The following FIG4 variants were observed in gnomAD, a reference collection of about 807,000 sequenced individuals.
The protein encoded by FIG4 is FIG4 phosphoinositide 5-phosphatase.
Under a neutral mutation model 118.6 loss-of-function variants are expected in FIG4, and 112 were observed. The ratio of observed to expected loss-of-function variants is 0.94; its 90% CI spans 0.81 to 1.11. The LOEUF is 1.11. Ranked by LOEUF, FIG4 falls within the 50% of genes least tolerant of loss-of-function variation. FIG4 has a pLI of 0.00. For synonymous variants in FIG4, 369 were observed against 381.2 expected (o/e 0.97, Z 0.37); for missense variants, 969 against 1,111.7 (o/e 0.87, Z 1.83).
chr6:109,821,118 A>C (rs559865076), intron 22 of FIG4, among the ~76,000 whole-genome samples: 1 of 152,354 alleles, frequency 6.6e-6, no homozygotes, highest in African/African-American at 2.4e-5. Flanking sequence ...CAAACGGCCA[A>C]AGCTCCCTAC....
intron 10 of FIG4, among the ~76,000 whole-genome samples, chr6:109,751,625 T>G (rs944058009): frequency 1.3e-5 from 2 of 152,152 alleles, no homozygotes; most frequent in African/African-American, 4.8e-5. Flanking sequence ...ATTTGACCTC[T>G]TCCTGGTTTA....
intron 22 of FIG4, among the ~76,000 whole-genome samples, chr6:109,812,058 C>T (rs1778734643): frequency 6.6e-6 from 1 of 152,078 alleles, no homozygotes; most frequent in South Asian, 2.1e-4. Context: ...ATGCTGTTCT[C>T]GTGATAGTGA....
chr6:109,694,578 T>C (rs915875742), intron 1 of FIG4, among the ~76,000 whole-genome samples: 4 of 151,984 alleles, frequency 2.6e-5, no homozygotes, highest in African/African-American at 7.3e-5. Context: ...AACCCAAAAA[T>C]AGACAAATGG....
chr6:109,792,612 G>A lies in FIG4; in HGVS notation c.2407G>A (p.Gly803Arg). The change falls in exon 21 of 23, where the codon GGA becomes AGA. Residue 803 changes from glycine to arginine, a missense_variant. Around this residue, in one of 3 missense-constraint regions of FIG4, gnomAD observed 330 missense variants for 348.1 expected, o/e 0.95. Coordinates refer to ENST00000230124, the MANE Select transcript of FIG4 (RefSeq NM_014845.6). Reference protein sequence around the residue: ...NVVQPMKELYGINLSDGLSEE... With the variant: ...NVVQPMKELYRINLSDGLSEE... ...GGTCCAACCCATGAAGGAGCTATAT[G>A]GAATTAACCTCTCAGATGGCCTCTC... The A allele has an allele frequency of 1.2e-6, 2 of 1,603,966 alleles. No individual in the cohort carries two copies. The highest frequency in any genetic ancestry group is 1.7e-6 in the Non-Finnish European group (2 of 1,172,046).
At chr6:109,704,196 C>G (rs1774987155) in intron 1 of FIG4, among the ~76,000 whole-genome samples, 1 of 152,210 alleles carries the variant, frequency 6.6e-6, no homozygotes, top group Admixed American at 6.5e-5. Flanking sequence ...ATCTATTACT[C>G]TCCTTCCTGA....
At chr6:109,817,741 G>A (rs984701528) in intron 22 of FIG4, among the ~76,000 whole-genome samples, 2 of 152,132 alleles carry the variant, frequency 1.3e-5, no homozygotes, top group African/African-American at 4.8e-5. Context: ...TGCTGAAAGG[G>A]TCCACTCTCT....
Position 109,791,437 on chromosome 6 carries a change from C to A in FIG4, c.2242C>A (p.Pro748Thr). The A allele has an allele frequency of 6.2e-7, 1 of 1,613,518 alleles. No individual in the cohort carries two copies. The highest frequency in any genetic ancestry group is 1.3e-5 in the African/African-American group (1 of 75,058). The change falls in exon 20 of 23, where the codon CCC (proline) becomes ACC (threonine). Residue 748 changes from proline (P) to threonine (T), a missense_variant. Around this residue, in one of 3 missense-constraint regions of FIG4, gnomAD observed 330 missense variants for 348.1 expected, o/e 0.95. Coordinates refer to ENST00000230124, the MANE Select transcript of FIG4 (RefSeq NM_014845.6). Reference protein sequence around the residue: ...QRKTAASAPPPPSEEAVSSSS... With the variant: ...QRKTAASAPPTPSEEAVSSSS... ...GAAAACGGCAGCCAGCGCCCCGCCG[C>A]CCCCCAGCGAGGAGGCTGTGTCCAG... is the stretch of plus-strand genomic sequence containing the variant.
Position 109,743,215 on chromosome 6 carries a change from GTGCCCTT to G in FIG4, c.983_989del (p.Val328AspfsTer10). ...TTCATATGTACAAGTTAGAGGATCTGTGCCCTTATACTGGTCTCAGGACATTTCAACT... is the reference window on the plus strand; with the variant it reads ...TTCATATGTACAAGTTAGAGGATCTGATACTGGTCTCAGGACATTTCAACT... On this transcript the variant is annotated frameshift_variant, in exon 9 of 23. Transcript: ENST00000230124. LOFTEE classifies it high-confidence loss of function. The G allele has an allele frequency of 6.2e-7, 1 of 1,612,908 alleles. No individual in the cohort carries two copies. Among genetic ancestry groups the G allele is most frequent in the Non-Finnish European group, 8.5e-7 (1 of 1,179,174 alleles).
Position 109,695,601 on chromosome 6 carries a change from G to GACACACACACACACACACAC in FIG4, c.66+4104_66+4123dup, listed in dbSNP as rs202167631. On this transcript the variant is annotated intron_variant, in intron 1 of 22. Transcript: ENST00000230124. ...GAATACACACACACACACACACACA[G>GACACACACACACACACACAC]ACACACACACACACACACACACAAT... Among the ~76,000 whole-genome samples, 188 of 99,334 alleles carry GACACACACACACACACACAC rather than the reference G, an allele frequency of 1.9e-3. 1 individual carries two copies. The South Asian group carries it at 0.019, about 10-fold the overall frequency. The allele number at this position is 99,334 out of a possible 152,430, so 65.2% of individuals were successfully genotyped here.
chr6:109,716,991 C>T (rs1314505192), intron 3 of FIG4, among the ~76,000 whole-genome samples: 1 of 149,804 alleles, frequency 6.7e-6, no homozygotes, highest in Non-Finnish European at 1.5e-5. Context: ...GTCATAACCC[C>T]CTTCTTTGGA....
chr6:109,725,197 A>G lies in FIG4; in HGVS notation c.290-1912A>G, dbSNP rs189731020. On this transcript the variant is annotated intron_variant, in intron 3 of 22. Transcript: ENST00000230124. Reference sequence around the variant, plus strand: ...GGTTTGCTGTACCTATCAACCCACCATCTAGGTTTTGAGCCCCACATGCGT... The same window carrying G: ...GGTTTGCTGTACCTATCAACCCACCGTCTAGGTTTTGAGCCCCACATGCGT... Among the ~76,000 whole-genome samples the G allele has an allele frequency of 1.5e-3, 231 of 152,178 alleles. 1 individual carries two copies. The highest frequency in any genetic ancestry group is 5.3e-3 in the African/African-American group (220 of 41,512).
chr6:109,779,766 G>A (rs1452947397), intron 16 of FIG4, among the ~76,000 whole-genome samples: 2 of 152,174 alleles, frequency 1.3e-5, no homozygotes, highest in Non-Finnish European at 2.9e-5. Flanking sequence ...CAGCATTACA[G>A]TTCTCAAAAG....
chr6:109,726,987 G>T (rs1209470734), intron 3 of FIG4, 122 bp from the exon 4 acceptor site: 11 of 791,694 alleles, frequency 1.4e-5, no homozygotes, highest in Non-Finnish European at 1.7e-5. Flanking sequence ...AATTTGTATG[G>T]CTATAAATCA....
At chr6:109,730,108 GT>G (rs1775950188) in intron 4 of FIG4, among the ~76,000 whole-genome samples, 1 of 151,926 alleles carries the variant, frequency 6.6e-6, no homozygotes, top group Admixed American at 6.6e-5. Flanking sequence ...GAGTGCAGTG[GT>G]GCAATCTTGG....
chr6:109,735,199 C>G lies in FIG4; in HGVS notation c.547C>G (p.Arg183Gly). Residue 183 changes from arginine to glycine, a missense_variant, in exon 6 of 23, where the codon CGA becomes GGA. Transcript: ENST00000230124. ...HSLQYNLTVL[R>G]MPLEMLKSEM... is the part of the protein sequence containing the mutation. The stretch of plus-strand genomic sequence containing the variant: ...ACTTCAATATAATCTCACTGTCTTG[C>G]GAATGCCCCTGGAGATGTTAAAGTC... 6.2e-7 allele frequency: 1 copy of G among 1,612,222 alleles called. No individual in the cohort carries two copies. Among genetic ancestry groups the G allele is most frequent in the East Asian group, 2.2e-5 (1 of 44,840 alleles).
intron 3 of FIG4, among the ~76,000 whole-genome samples, chr6:109,724,366 A>G (rs1266909529): frequency 1.3e-5 from 2 of 152,246 alleles, no homozygotes; most frequent in African/African-American, 4.8e-5. Context: ...AGATGAAATT[A>G]GACCTCCGTT....
intron 18 of FIG4, among the ~76,000 whole-genome samples, chr6:109,786,669 G>T (rs900488468): frequency 1.3e-5 from 2 of 152,058 alleles, no homozygotes; most frequent in Admixed American, 1.3e-4. Context: ...CCTTTGATAG[G>T]TTGAAATCTG....
rs116374702 is a variant in FIG4, at chr6:109,713,947, C to T, written c.67-1131C>T. On this transcript the variant is annotated intron_variant, in intron 1 of 22. Coordinates refer to ENST00000230124, the MANE Select transcript of FIG4 (RefSeq NM_014845.6). ...TGTCCAGTCTGATGGGCAAGAGCGCCCTGCAGAGTTCAGGTCCGACAGTTC... is the reference window on the plus strand; with the variant it reads ...TGTCCAGTCTGATGGGCAAGAGCGCTCTGCAGAGTTCAGGTCCGACAGTTC... Among the ~76,000 whole-genome samples the T allele has an allele frequency of 2.8e-3, 428 of 152,222 alleles. 1 individual carries two copies. Among genetic ancestry groups the T allele is most frequent in the African/African-American group, 9.8e-3 (409 of 41,544 alleles).
At chr6:109,793,458 G>A (rs377386422) in intron 21 of FIG4, among the ~76,000 whole-genome samples, 43 of 152,270 alleles carry the variant, frequency 2.8e-4, no homozygotes, top group African/African-American at 9.4e-4. Context: ...GCATAATTTC[G>A]TGTGTATGTG....
Sources: gnomAD v4.1 joint callset for allele counts (sites outside exome capture counted in the v4.1 genomes callset) on GRCh38, gnomAD v4.1.1 for gene constraint, gnomAD v4.1.1 regional missense constraint, MANE v1.5 for transcripts, NCBI Gene and HGNC (gene_info 2026-07-23, HGNC 2026-07-21) for gene names.